The following EFCAB6 variants were observed in gnomAD, a reference collection of about 807,000 sequenced individuals.
EFCAB6 encodes the protein EF-hand calcium-binding domain-containing protein 6.
Under a neutral mutation model 169.8 loss-of-function variants are expected in EFCAB6, and 156 were observed. That is an observed-to-expected ratio of 0.92 (90% CI 0.81 to 1.05). The LOEUF (loss-of-function observed/expected upper bound fraction) is 1.05, where lower values mean the gene tolerates loss of function less well. EFCAB6 is among the 50% of genes least tolerant of loss of function. EFCAB6 has a pLI of 0.00. For synonymous variants in EFCAB6, 698 were observed against 676.4 expected (o/e 1.03, Z -0.50); for missense variants, 1,800 against 1,829.1 (o/e 0.98, Z 0.29).
intron 2 of EFCAB6, among the ~76,000 whole-genome samples, chr22:43,791,434 T>C (rs1037063664): frequency 1.3e-5 from 2 of 150,218 alleles, no homozygotes; most frequent in South Asian, 2.1e-4. Flanking sequence ...TGATATGAGA[T>C]AGTCCCATCA....
chr22:43,546,051 T>A (rs889708245), intron 27 of EFCAB6, among the ~76,000 whole-genome samples: 2 of 152,188 alleles, frequency 1.3e-5, no homozygotes, highest in Admixed American at 6.5e-5. Flanking sequence ...AACAAGATTA[T>A]ATGTGAAATA....
At position 43,555,112 on chromosome 22, in the gene EFCAB6, T is replaced by A. The variant is rs1433207082; in HGVS notation, c.3421-16A>T. On this transcript the variant is annotated splice_polypyrimidine_tract_variant and intron_variant, in intron 26 of 31. Coordinates refer to ENST00000262726, the MANE Select transcript of EFCAB6 (RefSeq NM_022785.4). ...CATCAGCTGTCTGGACAAAATAGAA[T>A]GGAAATTGATCCATGTGAGAAATAA... is the stretch of plus-strand genomic sequence containing the variant. The A allele has an allele frequency of 6.2e-7, 1 of 1,613,594 alleles. No homozygotes were observed. The highest frequency in any genetic ancestry group is 1.1e-5 in the South Asian group (1 of 91,044).
intron 27 of EFCAB6, chr22:43,552,356 A>G (rs933237816): frequency 1.3e-5 from 2 of 152,290 alleles, no homozygotes; most frequent in Non-Finnish European, 1.5e-5. Context: ...TACTGCCTCT[A>G]GGTCTTTGAG....
intron 2 of EFCAB6, among the ~76,000 whole-genome samples, chr22:43,802,300 GGGT>G (rs1569495886): frequency 6.6e-6 from 1 of 152,080 alleles, no homozygotes; most frequent in East Asian, 1.9e-4. Flanking sequence ...AGGCCAAGGC[GGGT>G]GGATCACCTG....
intron 5 of EFCAB6, among the ~76,000 whole-genome samples, chr22:43,761,641 C>T (rs918962813): frequency 7.9e-5 from 12 of 152,224 alleles, no homozygotes; most frequent in Admixed American, 3.3e-4. Flanking sequence ...TCTGATAGTT[C>T]CAATATTTCA....
chr22:43,728,564 C>T (rs1365527947), intron 8 of EFCAB6, among the ~76,000 whole-genome samples: 2 of 152,202 alleles, frequency 1.3e-5, no homozygotes, highest in Non-Finnish European at 2.9e-5. Context: ...CTCATCCTCT[C>T]CAGCATCTGT....
In EFCAB6 at chr22:43,580,544, T is replaced by C. The variant is rs765857246; in HGVS notation, c.3148A>G (p.Asn1050Asp). 6.2e-7 allele frequency: 1 copy of C among 1,614,120 alleles called. No homozygotes were observed. Among genetic ancestry groups the C allele is most frequent in the Non-Finnish European group, 8.5e-7 (1 of 1,180,008 alleles). The change falls in exon 25 of 32, where the codon AAT (asparagine) becomes GAT (aspartate). Residue 1050 changes from asparagine (N) to aspartate (D), a missense_variant. Asn to Asp is a conservative substitution (Grantham distance 23). Transcript: ENST00000262726. Reference sequence around the variant, plus strand: ...TCCTGTGGATTCAGCGTTGCAAAATTGATTGGCATGCTCTCTTCTTTTTCC... The same window carrying C: ...TCCTGTGGATTCAGCGTTGCAAAATCGATTGGCATGCTCTCTTCTTTTTCC... ...PKEKEESMPI[N>D]FATLNPQEAV...
At chr22:43,725,748 G>C (rs1289235234) in intron 8 of EFCAB6, among the ~76,000 whole-genome samples, 22 of 152,108 alleles carry the variant, frequency 1.4e-4, no homozygotes, top group Admixed American at 1.4e-3. Context: ...CCAATAAATA[G>C]GCCTCTGTCC....
intron 20 of EFCAB6, among the ~76,000 whole-genome samples, chr22:43,626,125 GAA>G (rs2064591932): frequency 6.6e-6 from 1 of 152,058 alleles, no homozygotes; most frequent in African/African-American, 2.4e-5. Flanking sequence ...ATATGTATAT[GAA>G]AAAGACACAC....
In EFCAB6 at chr22:43,667,233, C is replaced by T. The variant is rs763844348; in HGVS notation, c.1854G>A (p.Lys618=). 1 of 1,614,070 alleles carries T rather than the reference C, an allele frequency of 6.2e-7. No individual in the cohort carries two copies. Among genetic ancestry groups the T allele is most frequent in the Admixed American group, 1.7e-5 (1 of 60,010 alleles). ...LTEDKTTLTK[K]MTTEEVIEKF... is the part of the protein sequence containing the mutation. ...TTTCAATCACTTCTTCTGTGGTCAT[C>T]TTCTTGGTCAGGGTGGTTTTATCCT... Residue 618 remains lysine, a synonymous_variant, in exon 17 of 32, where the codon AAG becomes AAA. Transcript: ENST00000262726.
chr22:43,629,472 C>G (rs775709673), intron 19 of EFCAB6, among the ~76,000 whole-genome samples: 1 of 152,168 alleles, frequency 6.6e-6, no homozygotes, highest in Non-Finnish European at 1.5e-5. Flanking sequence ...AGTTCGCTGC[C>G]CAGCATCAGG....
At chr22:43,768,016 G>A (rs898104459) in intron 4 of EFCAB6, among the ~76,000 whole-genome samples, 9 of 152,194 alleles carry the variant, frequency 5.9e-5, no homozygotes, top group South Asian at 4.2e-4. Flanking sequence ...ATCAGTATCC[G>A]TCATTGTGAT....
At chr22:43,529,696 T>C (rs1035924276) in intron 31 of EFCAB6, among the ~76,000 whole-genome samples, 3 of 152,052 alleles carry the variant, frequency 2.0e-5, no homozygotes, top group Non-Finnish European at 4.4e-5. Context: ...CCACCTTGGA[T>C]CATGAGGTGG....
intron 6 of EFCAB6, among the ~76,000 whole-genome samples, chr22:43,754,829 T>A (rs940384238): frequency 6.6e-6 from 1 of 152,200 alleles, no homozygotes; most frequent in Non-Finnish European, 1.5e-5. Context: ...AGAAGACATA[T>A]ACCCCTAAGT....
chr22:43,741,752 A>C (rs2060378776), intron 6 of EFCAB6, among the ~76,000 whole-genome samples: 1 of 152,134 alleles, frequency 6.6e-6, no homozygotes, highest in South Asian at 2.1e-4. Flanking sequence ...ACTCTGGGGC[A>C]GGATTCGGTA....
intron 15 of EFCAB6, among the ~76,000 whole-genome samples, chr22:43,669,581 T>C (rs2057399847): frequency 6.6e-6 from 1 of 152,182 alleles, no homozygotes; most frequent in Admixed American, 6.5e-5. Context: ...GGAGTGATGA[T>C]GAATTGCTAA....
chr22:43,676,418 CAAAAAAAA>C, intron 13 of EFCAB6, among the ~76,000 whole-genome samples: 1 of 60,468 alleles, frequency 1.7e-5, no homozygotes, highest in East Asian at 4.6e-4. Context: ...GACTCCGTCT[CAAAAAAAA>C]AAAAAAAAAA....
At chr22:43,786,948 A>G (rs1405247947) in intron 2 of EFCAB6, among the ~76,000 whole-genome samples, 1 of 151,840 alleles carries the variant, frequency 6.6e-6, no homozygotes, top group African/African-American at 2.4e-5. Context: ...TTAATCAAGG[A>G]AAAAAAACAC....
chr22:43,759,152 A>G (rs1327046120), intron 5 of EFCAB6: 1 of 152,272 alleles, frequency 6.6e-6, no homozygotes, highest in Admixed American at 6.5e-5. Flanking sequence ...AGAGTCAGCT[A>G]GACCTGCCTA....
Sources: gnomAD v4.1 joint callset for allele counts (sites outside exome capture counted in the v4.1 genomes callset) on GRCh38, gnomAD v4.1.1 for gene constraint, MANE v1.5 for transcripts, NCBI Gene and HGNC (gene_info 2026-07-23, HGNC 2026-07-21) for gene names.